Variants in DAB1 observed in about 807,000 individuals in gnomAD.
The protein encoded by DAB1 is disabled homolog 1.
In DAB1, 15 loss-of-function variants were observed where a neutral mutation model predicts 64.6. That is an observed-to-expected ratio of 0.23 (90% CI 0.16 to 0.36). The LOEUF is 0.36. Among genes scored for constraint, DAB1 ranks in the 10% least tolerant of loss-of-function variants. The pLI is 1.00. For synonymous variants in DAB1, 235 were observed against 251.9 expected (o/e 0.93, Z 0.64); for missense variants, 596 against 706.7 (o/e 0.84, Z 1.78).
chr1:57,381,632 AC>A (rs1681387118), intron 1 of DAB1, among the ~76,000 whole-genome samples: 1 of 152,136 alleles, frequency 6.6e-6, no homozygotes, highest in Non-Finnish European at 1.5e-5. Flanking sequence ...TTGTGAGGAA[AC>A]CAGTCTCCTC....
intron 4 of DAB1, among the ~76,000 whole-genome samples, chr1:58,326,641 C>T (rs1662831427): frequency 6.6e-6 from 1 of 152,218 alleles, no homozygotes; most frequent in African/African-American, 2.4e-5. Flanking sequence ...AGTGATAACA[C>T]AGCATTGTTA....
intron 7 of DAB1, among the ~76,000 whole-genome samples, chr1:57,583,584 C>T (rs1570648313): frequency 6.6e-6 from 1 of 152,274 alleles, no homozygotes; most frequent in East Asian, 1.9e-4. Context: ...CACGCCCGGC[C>T]CAGTTTCCTC....
chr1:58,126,448 TTTTTTTC>T (rs1203521511), intron 5 of DAB1, among the ~76,000 whole-genome samples: 3 of 111,560 alleles, frequency 2.7e-5, no homozygotes, highest in African/African-American at 9.7e-5. Context: ...AATCTTTTTC[TTTTTTTC>T]TTTTTTTTTT....
intron 4 of DAB1, among the ~76,000 whole-genome samples, chr1:57,095,686 G>A (rs1420694512): frequency 6.6e-5 from 10 of 152,172 alleles, no homozygotes; most frequent in Non-Finnish European, 1.5e-4. Context: ...TTGAATGAAA[G>A]TATGGAGGCT....
rs550031488 is a variant in DAB1, at chr1:57,311,552, C to T, written c.-136-20386G>A. Among the ~76,000 whole-genome samples the T allele has an allele frequency of 2.1e-4, 30 of 144,398 alleles. No homozygotes were observed. The East Asian group carries it at 5.6e-3, about 27-fold the overall frequency. The allele number at this position is 144,398 out of a possible 152,430, so 94.7% of individuals were successfully genotyped here. ...CACACACACACACACCACTTCTTGG[C>T]TGGAACCTGTCTGAAGGGGAGGAAG... On this transcript the variant is annotated intron_variant, in intron 1 of 14. Transcript: ENST00000371236.
chr1:57,928,707 G>A (rs12034135), intron 5 of DAB1, among the ~76,000 whole-genome samples: 2,672 of 152,186 alleles, frequency 0.018, 43 homozygotes, highest in East Asian at 0.081. Context: ...CACAAAGTAC[G>A]TAGCCTTTTC....
At chr1:57,884,549 G>T (rs1053899992), upstream of DAB1, among the ~76,000 whole-genome samples, 1 of 152,192 alleles carries the variant, frequency 6.6e-6, no homozygotes. Context: ...ATACCTTAAA[G>T]CAGAATTATT....
At chr1:58,235,520 G>T (rs1438484126) in intron 4 of DAB1, among the ~76,000 whole-genome samples, 1 of 152,168 alleles carries the variant, frequency 6.6e-6, no homozygotes, top group Non-Finnish European at 1.5e-5. Flanking sequence ...CCTAGTTTTG[G>T]TTATATCATT....
intron 2 of DAB1, among the ~76,000 whole-genome samples, chr1:57,170,700 C>T (rs923340601): frequency 1.3e-5 from 2 of 152,154 alleles, no homozygotes; most frequent in African/African-American, 4.8e-5. Flanking sequence ...TTTTCTCTCT[C>T]AACCCTATGC....
chr1:58,474,318 T>C (rs1645397499), intron 3 of DAB1, among the ~76,000 whole-genome samples: 1 of 152,216 alleles, frequency 6.6e-6, no homozygotes, highest in African/African-American at 2.4e-5. Flanking sequence ...TCAGATCTTC[T>C]GACCTTGAAT....
intron 3 of DAB1, among the ~76,000 whole-genome samples, chr1:58,502,268 C>T (rs776443173): frequency 6.6e-6 from 1 of 152,156 alleles, no homozygotes; most frequent in African/African-American, 2.4e-5. Context: ...TTCTTGGTTT[C>T]CTATTTGCTT....
intron 5 of DAB1, among the ~76,000 whole-genome samples, chr1:57,980,000 CTCTGTCCAG>C (rs1646023226): frequency 6.6e-6 from 1 of 152,198 alleles, no homozygotes; most frequent in Non-Finnish European, 1.5e-5. Flanking sequence ...ACCAGTGCCT[CTCTGTCCAG>C]TCTTGGTCTC....
chr1:57,167,861 T>A (rs540131307), intron 2 of DAB1, among the ~76,000 whole-genome samples: 1 of 152,304 alleles, frequency 6.6e-6, no homozygotes, highest in Non-Finnish European at 1.5e-5. Flanking sequence ...CTGTTGTAAT[T>A]CTTAGCATTG....
chr1:57,148,171 G>C lies in DAB1; in HGVS notation c.68-2742C>G, dbSNP rs151295874. On this transcript the variant is annotated intron_variant, in intron 2 of 14. Coordinates refer to ENST00000371236, the MANE Select transcript of DAB1 (RefSeq NM_001365792.1). ...GTCATCTCTAAAAAACTGTCTATGAGTCAGATACAAAGAAGCCTTAAGAAA... is the reference window on the plus strand; with the variant it reads ...GTCATCTCTAAAAAACTGTCTATGACTCAGATACAAAGAAGCCTTAAGAAA... 5.3e-5 allele frequency among the ~76,000 whole-genome samples: 8 copies of C among 152,280 alleles called. No individual in the cohort carries two copies. The East Asian group carries it at 1.5e-3, about 29-fold the overall frequency.
At chr1:57,865,808 T>A (rs142792615) in intron 1 of DAB1, among the ~76,000 whole-genome samples, 1 of 152,338 alleles carries the variant, frequency 6.6e-6, no homozygotes, top group Non-Finnish European at 1.5e-5. Context: ...GGCCAGGTTA[T>A]TTAAACTCTC....
intron 4 of DAB1, among the ~76,000 whole-genome samples, chr1:58,322,356 T>C (rs746788338): frequency 6.6e-6 from 1 of 152,060 alleles, no homozygotes; most frequent in Non-Finnish European, 1.5e-5. Flanking sequence ...AAAGGGCTAA[T>C]ATCCAGAATC....
At chr1:57,842,191 G>T (rs1485501163) in intron 1 of DAB1, among the ~76,000 whole-genome samples, 1 of 152,170 alleles carries the variant, frequency 6.6e-6, no homozygotes, top group Admixed American at 6.5e-5. Flanking sequence ...AAGTCTGTTT[G>T]CTAATGCATA....
chr1:58,281,424 T>C (rs1482498148), intron 4 of DAB1, among the ~76,000 whole-genome samples: 4 of 152,024 alleles, frequency 2.6e-5, no homozygotes, highest in African/African-American at 7.2e-5. Flanking sequence ...ATACCTCCGA[T>C]CCACCTATAT....
chr1:57,011,868 G>C (rs1339753631), intron 12 of DAB1, among the ~76,000 whole-genome samples: 1 of 152,196 alleles, frequency 6.6e-6, no homozygotes, highest in Non-Finnish European at 1.5e-5. Context: ...ACCAGATTCT[G>C]AATCCTGGCA....
Sources: allele counts gnomAD v4.1 joint callset (sites outside exome capture counted in the v4.1 genomes callset), GRCh38; gene constraint gnomAD v4.1.1; transcripts MANE v1.5; gene names NCBI Gene and HGNC (gene_info 2026-07-23, HGNC 2026-07-21).